The following ZMYM2 variants were observed in gnomAD, a reference collection of about 807,000 sequenced individuals.
ZMYM2 encodes zinc finger MYM-type containing 2.
ZMYM2 carries 56 observed loss-of-function variants against 162.8 expected under a neutral mutation model. The observed-to-expected ratio is 0.34, with a 90% CI of 0.28 to 0.43. The LOEUF is 0.43. ZMYM2 is among the 20% of genes least tolerant of loss of function. The pLI is 1.00. For missense variants in ZMYM2, 1,275 were observed against 1,621.8 expected (o/e 0.79, Z 3.67); for synonymous variants, 510 against 541.6 (o/e 0.94, Z 0.81).
chr13:19,982,846 C>T (rs979468737), intron 2 of ZMYM2, among the ~76,000 whole-genome samples: 1 of 152,130 alleles, frequency 6.6e-6, no homozygotes, highest in Admixed American at 6.5e-5. Flanking sequence ...ACAACTAATC[C>T]ATGCTTATCT....
the ZMYM2 span, among the ~76,000 whole-genome samples, chr13:19,870,580 T>TTTCCTTCCTTCCTTCCTTCCTTCCTTCC: frequency 6.1e-5 from 8 of 132,162 alleles, no homozygotes; most frequent in African/African-American, 2.3e-4. Context: ...CCTTCTTTCC[T>TTTCCTTCCTTCCTTCCTTCCTTCCTTCC]TTCCTTCCTT....
the ZMYM2 span, among the ~76,000 whole-genome samples, chr13:19,931,671 T>C: frequency 6.6e-6 from 1 of 152,280 alleles, no homozygotes; most frequent in East Asian, 1.9e-4. Context: ...TTGCCCAGGC[T>C]GGAGTGCAGT....
At chr13:19,969,600 TAA>T (rs945500360) in intron 2 of ZMYM2, among the ~76,000 whole-genome samples, 4 of 152,198 alleles carry the variant, frequency 2.6e-5, no homozygotes, top group African/African-American at 9.6e-5. Context: ...AGGGATTGAA[TAA>T]AAGAGATCAG....
At chr13:19,947,786 G>T in the ZMYM2 span, among the ~76,000 whole-genome samples, 1 of 151,958 alleles carries the variant, frequency 6.6e-6, no homozygotes, top group African/African-American at 2.4e-5. Flanking sequence ...GAGCCACTGC[G>T]CCCGGCCGCT....
the ZMYM2 span, among the ~76,000 whole-genome samples, chr13:19,886,162 C>CTTTTTTTTTTTTTT: frequency 3.1e-4 from 31 of 98,436 alleles, no homozygotes; most frequent in Non-Finnish European, 3.9e-4. Context: ...TTCTTTCTTT[C>CTTTTTTTTTTTTTT]TTTTTTTTTT....
chr13:19,881,854 C>T, the ZMYM2 span, among the ~76,000 whole-genome samples: 1 of 151,492 alleles, frequency 6.6e-6, no homozygotes, highest in Non-Finnish European at 1.5e-5. Flanking sequence ...TGTGGTTGCA[C>T]GCCTGTAATC....
chr13:19,866,544 A>C, the ZMYM2 span, among the ~76,000 whole-genome samples: 1 of 152,066 alleles, frequency 6.6e-6, no homozygotes, highest in East Asian at 1.9e-4. Flanking sequence ...GCATGCCTGT[A>C]ATTCCAGATA....
the ZMYM2 span, among the ~76,000 whole-genome samples, chr13:19,953,141 G>A: frequency 6.6e-6 from 1 of 152,134 alleles, no homozygotes; most frequent in African/African-American, 2.4e-5. Flanking sequence ...CCAGAATGGT[G>A]AGTCAGTAAA....
chr13:19,912,062 C>T, the ZMYM2 span, among the ~76,000 whole-genome samples: 5 of 152,188 alleles, frequency 3.3e-5, no homozygotes, highest in Admixed American at 6.5e-5. Context: ...CCAATTGCAA[C>T]GTTGTACCAG....
At chr13:19,864,270 G>C in the ZMYM2 span, 1 of 154,948 alleles carries the variant, frequency 6.5e-6, no homozygotes, top group African/African-American at 2.4e-5. Context: ...GCCGCGCCCC[G>C]TGGGGAATAG....
At chr13:20,075,655 T>C (rs1009915415) in intron 21 of ZMYM2, among the ~76,000 whole-genome samples, 11 of 149,412 alleles carry the variant, frequency 7.4e-5, no homozygotes, top group Non-Finnish European at 1.6e-4. Context: ...TTATTATGAA[T>C]AGAACTATAG....
chr13:19,913,154 T>C, the ZMYM2 span, among the ~76,000 whole-genome samples: 2 of 152,096 alleles, frequency 1.3e-5, no homozygotes, highest in African/African-American at 4.8e-5. Context: ...CGGGCCCCTA[T>C]AGGTGAATCG....
the ZMYM2 span, among the ~76,000 whole-genome samples, chr13:19,885,784 T>C: frequency 6.7e-6 from 1 of 149,922 alleles, no homozygotes; most frequent in Non-Finnish European, 1.5e-5. Context: ...GAGGCAGAGG[T>C]TGCAGTGAGA....
At chr13:20,030,017 A>T (rs1409556257) in intron 9 of ZMYM2, among the ~76,000 whole-genome samples, 2 of 150,998 alleles carry the variant, frequency 1.3e-5, no homozygotes, top group Non-Finnish European at 3.0e-5. Flanking sequence ...CTGGTCTCGA[A>T]CTCCTGACTT....
the ZMYM2 span, among the ~76,000 whole-genome samples, chr13:19,952,111 A>G: frequency 6.6e-6 from 1 of 152,168 alleles, no homozygotes; most frequent in East Asian, 1.9e-4. Flanking sequence ...GAAGGACATT[A>G]TGTTAAATGA....
At chr13:19,993,966 T>C (rs753808350) in intron 3 of ZMYM2, 47 bp downstream of exon 3, 1 of 1,553,396 alleles carries the variant, frequency 6.4e-7, no homozygotes, top group East Asian at 2.2e-5. Context: ...ATTTAAACTT[T>C]TGGCTGCTGC....
chr13:19,897,296 T>C, the ZMYM2 span, among the ~76,000 whole-genome samples: 6 of 152,112 alleles, frequency 3.9e-5, no homozygotes. Context: ...TATAAATAGA[T>C]TAAAGTCCCT....
At chr13:19,969,672 T>C (rs1010733675) in intron 2 of ZMYM2, among the ~76,000 whole-genome samples, 5 of 152,246 alleles carry the variant, frequency 3.3e-5, no homozygotes, top group African/African-American at 9.6e-5. Flanking sequence ...GGTTGCCTTC[T>C]TTGCTTCAGG....
chr13:20,082,174 ATTG>A, intron 22 of ZMYM2, 44 bp downstream of exon 22: 3 of 1,360,358 alleles, frequency 2.2e-6, no homozygotes, highest in Non-Finnish European at 3.0e-6. Flanking sequence ...TGATATTAGG[ATTG>A]TTATTTTTAC....
Sources: gnomAD v4.1 joint callset for allele counts (sites outside exome capture counted in the v4.1 genomes callset) on GRCh38, gnomAD v4.1.1 for gene constraint, MANE v1.5 for transcripts, NCBI Gene and HGNC (gene_info 2026-07-23, HGNC 2026-07-21) for gene names.